Variants in UBE2E2 observed in about 807,000 individuals in gnomAD.
The protein encoded by UBE2E2 is ubiquitin conjugating enzyme E2 E2, also known as ubiquitin-conjugating enzyme E2 E2.
Under a neutral mutation model 24.7 loss-of-function variants are expected in UBE2E2, and 6 were observed. The observed-to-expected ratio is 0.24, with a 90% CI of 0.13 to 0.48. UBE2E2 has a LOEUF of 0.48. Among genes scored for constraint, UBE2E2 ranks in the 20% least tolerant of loss-of-function variants. The pLI, the probability that UBE2E2 is intolerant of heterozygous loss-of-function variation, is 0.99. For missense variants in UBE2E2, 169 were observed against 245.0 expected, an observed-to-expected ratio of 0.69 and a Z score of 2.07; for synonymous variants, 104 against 83.6, an observed-to-expected ratio of 1.24 and a Z score of -1.33.
intron 4 of UBE2E2, among the ~76,000 whole-genome samples, chr3:23,512,540 G>C (rs1694625202): frequency 6.6e-6 from 1 of 151,386 alleles, no homozygotes; most frequent in African/African-American, 2.4e-5. Context: ...CACCCAACCA[G>C]CCATACTTTA....
At chr3:23,434,985 G>C (rs1698150245) in intron 3 of UBE2E2, among the ~76,000 whole-genome samples, 1 of 152,154 alleles carries the variant, frequency 6.6e-6, no homozygotes, top group African/African-American at 2.4e-5. Context: ...TTTAGTATCT[G>C]GAAAGCAGTC....
At chr3:23,444,677 C>T (rs1698386792) in intron 3 of UBE2E2, among the ~76,000 whole-genome samples, 1 of 152,214 alleles carries the variant, frequency 6.6e-6, no homozygotes, top group South Asian at 2.1e-4. Flanking sequence ...AAGTCATCTT[C>T]AAGATGTCTC....
intron 4 of UBE2E2, among the ~76,000 whole-genome samples, chr3:23,527,416 T>C (rs935661453): frequency 2.0e-5 from 3 of 152,186 alleles, no homozygotes; most frequent in Admixed American, 1.3e-4. Context: ...CCCTGCGATA[T>C]TGTGATTTTT....
intron 5 of UBE2E2, among the ~76,000 whole-genome samples, chr3:23,554,040 A>C (rs1695716121): frequency 6.6e-6 from 1 of 152,162 alleles, no homozygotes; most frequent in Admixed American, 6.5e-5. Context: ...AAATTTAAAA[A>C]AAAAATCCTA....
chr3:23,410,811 G>T (rs1329890965), intron 3 of UBE2E2, among the ~76,000 whole-genome samples: 1 of 152,138 alleles, frequency 6.6e-6, no homozygotes, highest in African/African-American at 2.4e-5. Context: ...AAGCAATTCT[G>T]TCTGATGTAA....
intron 3 of UBE2E2, among the ~76,000 whole-genome samples, chr3:23,309,616 C>T (rs1031517823): frequency 6.6e-6 from 1 of 152,074 alleles, no homozygotes; most frequent in African/African-American, 2.4e-5. Flanking sequence ...ACGTCTTTCA[C>T]ATTGTATACT....
chr3:23,366,667 A>G (rs1213977962), intron 3 of UBE2E2, among the ~76,000 whole-genome samples: 2 of 152,104 alleles, frequency 1.3e-5, no homozygotes, highest in South Asian at 2.1e-4. Context: ...GTTGGGTACT[A>G]TGCTTATTAC....
intron 3 of UBE2E2, among the ~76,000 whole-genome samples, chr3:23,378,929 C>T (rs1696594166): frequency 1.3e-5 from 2 of 152,182 alleles, no homozygotes; most frequent in Admixed American, 1.3e-4. Context: ...ATCTCTATAA[C>T]ACCCTTTAAT....
intron 3 of UBE2E2, chr3:23,271,015 C>T (rs765536929): frequency 2.8e-5 from 13 of 456,622 alleles, no homozygotes; most frequent in South Asian, 2.0e-4. Flanking sequence ...GAGCAGACTT[C>T]ATCTTACTTC....
rs543627815 is a variant in UBE2E2 at position 23,280,598 on chromosome 3, C to A, written c.227+63286C>A. On this transcript the variant is annotated intron_variant, in intron 3 of 5. Transcript: ENST00000396703. This position sits in a 1 kb window ranked among gnomAD's most constrained non-coding sequence, Gnocchi z 4.3. ...GTTGACCCAACAGCAACCCTGATGA[C>A]CCAGTTGTCTTACTCACTCAGAAAT... 3.3e-5 allele frequency among the ~76,000 whole-genome samples: 5 copies of A among 152,324 alleles called. No individual in the cohort carries two copies. The South Asian group carries it at 1.0e-3, about 32-fold the overall frequency.
chr3:23,313,635 G>C (rs975784758), intron 3 of UBE2E2, among the ~76,000 whole-genome samples: 1 of 151,784 alleles, frequency 6.6e-6, no homozygotes, highest in African/African-American at 2.4e-5. Context: ...CACCCACCTC[G>C]GCCTCCCAAA....
intron 3 of UBE2E2, among the ~76,000 whole-genome samples, chr3:23,364,167 A>C (rs918586459): frequency 2.0e-5 from 3 of 152,046 alleles, no homozygotes; most frequent in Non-Finnish European, 2.9e-5. Context: ...CGGACTAAAA[A>C]GTTAAAAGTT....
At chr3:23,218,869 C>A (rs145361623) in intron 3 of UBE2E2, among the ~76,000 whole-genome samples, 3 of 151,956 alleles carry the variant, frequency 2.0e-5, no homozygotes, top group Non-Finnish European at 4.4e-5. Context: ...GTAAAAGAAA[C>A]GTTTAACTAT....
intron 5 of UBE2E2, among the ~76,000 whole-genome samples, chr3:23,534,621 T>C (rs1164892387): frequency 6.6e-6 from 1 of 152,186 alleles, no homozygotes; most frequent in African/African-American, 2.4e-5. Flanking sequence ...ACTTCTAGAA[T>C]CTTAAATAGA....
chr3:23,582,204 A>G (rs1031064676), intron 5 of UBE2E2, among the ~76,000 whole-genome samples: 1 of 152,188 alleles, frequency 6.6e-6, no homozygotes, highest in Non-Finnish European at 1.5e-5. Context: ...CTCCAGCTCT[A>G]TCCATGTTGC....
At chr3:23,491,785 C>A (rs1202764891) in intron 3 of UBE2E2, among the ~76,000 whole-genome samples, 1 of 152,190 alleles carries the variant, frequency 6.6e-6, no homozygotes, top group East Asian at 1.9e-4. Flanking sequence ...ATTGCCCTAG[C>A]TGCAGTTTGG....
intron 3 of UBE2E2, among the ~76,000 whole-genome samples, chr3:23,362,434 C>G (rs1350177859): frequency 6.6e-6 from 1 of 152,178 alleles, no homozygotes; most frequent in Non-Finnish European, 1.5e-5. Flanking sequence ...CACCATAGCA[C>G]CAATAGAACC....
intron 4 of UBE2E2, among the ~76,000 whole-genome samples, chr3:23,503,835 G>A (rs901688902): frequency 3.3e-5 from 5 of 151,098 alleles, no homozygotes; most frequent in Admixed American, 1.3e-4. Context: ...CCTGGGGGAC[G>A]GAGCAAGACT....
intron 3 of UBE2E2, among the ~76,000 whole-genome samples, chr3:23,444,915 G>A (rs1186119022): frequency 1.3e-5 from 2 of 152,120 alleles, no homozygotes; most frequent in African/African-American, 4.8e-5. Flanking sequence ...CAGAGGTATT[G>A]GGAGCTGGAA....
Sources: allele counts gnomAD v4.1 joint callset (sites outside exome capture counted in the v4.1 genomes callset), GRCh38; gene constraint gnomAD v4.1.1; non-coding constraint Gnocchi (gnomAD v3.1); transcripts MANE v1.5; gene names NCBI Gene and HGNC (gene_info 2026-07-23, HGNC 2026-07-21).